Variants in BCAS3 observed in about 807,000 individuals in gnomAD.
BCAS3 encodes the protein BCAS3 microtubule associated cell migration factor.
BCAS3 carries 53 observed loss-of-function variants against 116.1 expected under a neutral mutation model. That is an observed-to-expected ratio of 0.46 (90% confidence interval 0.37 to 0.57). The LOEUF (loss-of-function observed/expected upper bound fraction) is 0.57, where lower values mean the gene tolerates loss of function less well. Ranked by LOEUF, BCAS3 falls within the 20% of genes least tolerant of loss-of-function variation. BCAS3 has a pLI of 0.00. For synonymous variants in BCAS3, 391 were observed against 408.2 expected (o/e 0.96, Z 0.51); for missense variants, 917 against 1,165.4 (o/e 0.79, Z 3.10).
At chr17:60,936,556 T>C (rs1486540309) in intron 13 of BCAS3, among the ~76,000 whole-genome samples, 6 of 152,218 alleles carry the variant, frequency 3.9e-5, no homozygotes, top group Non-Finnish European at 8.8e-5. Flanking sequence ...TCATTCTAAC[T>C]GGTGTGAGAT....
intron 22 of BCAS3, among the ~76,000 whole-genome samples, chr17:61,183,274 G>A (rs1026259782): frequency 1.3e-5 from 2 of 152,000 alleles, no homozygotes; most frequent in Non-Finnish European, 2.9e-5. Context: ...GGGAAAATTC[G>A]ATGTGAAGAG....
intron 5 of BCAS3, among the ~76,000 whole-genome samples, chr17:60,713,805 T>C (rs1175694336): frequency 6.6e-6 from 1 of 152,226 alleles, no homozygotes; most frequent in African/African-American, 2.4e-5. Context: ...CAGATGCTGA[T>C]GGACAATTGC....
At chr17:60,867,273 T>C (rs532736066) in intron 7 of BCAS3, among the ~76,000 whole-genome samples, 1 of 152,018 alleles carries the variant, frequency 6.6e-6, no homozygotes, top group African/African-American at 2.4e-5. Flanking sequence ...GCCCGGATAA[T>C]TTTTGTATTT....
At chr17:60,977,437 C>A (rs2062477153) in intron 14 of BCAS3, among the ~76,000 whole-genome samples, 1 of 152,000 alleles carries the variant, frequency 6.6e-6, no homozygotes, top group African/African-American at 2.4e-5. Flanking sequence ...TTCAGCCTCC[C>A]AAAGTACTGA....
intron 14 of BCAS3, among the ~76,000 whole-genome samples, chr17:60,974,992 CTT>C (rs1568007292): frequency 7.0e-6 from 1 of 142,026 alleles, no homozygotes; most frequent in African/African-American, 3.0e-5. Context: ...GTTTTTTTTG[CTT>C]TTTTGTTTTT....
rs2072949100 is a variant in BCAS3 at position 61,084,851 on chromosome 17, T to G, written c.2425+287T>G. Among the ~76,000 whole-genome samples, 1 of 152,240 alleles carries G rather than the reference T, an allele frequency of 6.6e-6. No homozygotes were observed. Among genetic ancestry groups the G allele is most frequent in the Admixed American group, 6.5e-5 (1 of 15,294 alleles). On this transcript the variant is annotated intron_variant, in intron 22 of 23. Coordinates refer to ENST00000407086, the MANE Select transcript of BCAS3 (RefSeq NM_017679.5). The surrounding 1 kb of genome is among the most constrained non-coding windows in gnomAD (Gnocchi z 5.5). ...TGATGACTGTTTTGCCTTTGATCAC[T>G]GAAATGTGGAGAAGCAACCTTGACA...
intron 19 of BCAS3, among the ~76,000 whole-genome samples, chr17:61,046,025 A>T (rs993811689): frequency 1.7e-4 from 2 of 11,798 alleles, no homozygotes; most frequent in East Asian, 0.011. Context: ...TATATATATT[A>T]TATATATATT....
intron 5 of BCAS3, among the ~76,000 whole-genome samples, chr17:60,729,805 G>T (rs142295803): frequency 5.3e-4 from 80 of 152,236 alleles, no homozygotes; most frequent in African/African-American, 1.8e-3. Flanking sequence ...ACACCTATCA[G>T]CTTGTAATAA....
intron 5 of BCAS3, among the ~76,000 whole-genome samples, chr17:60,715,126 CTCTTTCTTTTTT>C (rs1170460424): frequency 1.3e-5 from 2 of 149,368 alleles, no homozygotes; most frequent in African/African-American, 4.9e-5. Flanking sequence ...TGTACTCTTT[CTCTTTCTTTTTT>C]TTTTTTTTTT....
intron 22 of BCAS3, among the ~76,000 whole-genome samples, chr17:61,287,561 A>G (rs960013911): frequency 2.0e-5 from 3 of 151,932 alleles, no homozygotes; most frequent in Non-Finnish European, 2.9e-5. Flanking sequence ...CCTCGTCTCT[A>G]TGAAAAATCA....
rs1390111157 is a variant in BCAS3, at chr17:61,364,846, C to T, written c.2426-3481C>T. Among the ~76,000 whole-genome samples the T allele has an allele frequency of 1.3e-5, 2 of 152,192 alleles. No homozygotes were observed. The highest frequency in any genetic ancestry group is 2.1e-4 in the South Asian group (1 of 4,828). On this transcript the variant is annotated intron_variant, in intron 22 of 23. Transcript: ENST00000407086. This position sits in a 1 kb window ranked among gnomAD's most constrained non-coding sequence, Gnocchi z 5.4. ...TTGCTCAGAGACTTTGAACATGTCA[C>T]GTAACTTCTCAGAGCTTCCAGTTTC...
rs866899545 is a variant in BCAS3 at position 61,347,372 on chromosome 17, G to T, written c.2426-20955G>T. 6.6e-6 allele frequency among the ~76,000 whole-genome samples: 1 copy of T among 152,086 alleles called. No individual in the cohort carries two copies. The highest frequency in any genetic ancestry group is 2.4e-5 in the African/African-American group (1 of 41,390). ...GCTGGGATTATAGGCATGAGCCACC[G>T]CACCCGGCCAGAATCACTCTTCAGA... is the stretch of plus-strand genomic sequence containing the variant. On this transcript the variant is annotated intron_variant, in intron 22 of 23. Transcript: ENST00000407086. This position sits in a 1 kb window ranked among gnomAD's most constrained non-coding sequence, Gnocchi z 4.3.
rs185155184 is a variant in BCAS3, at chr17:61,163,355, C to T, written c.2425+78791C>T. Among the ~76,000 whole-genome samples, 875 of 149,538 alleles carry T rather than the reference C, an allele frequency of 5.9e-3. 12 individuals carry two copies. The highest frequency in any genetic ancestry group is 0.02 in the African/African-American group (796 of 40,594). On this transcript the variant is annotated intron_variant, in intron 22 of 23. Transcript: ENST00000407086. Reference sequence around the variant, plus strand: ...AGGAGAATGGTGTGAACCTGGGAGGCGGAGCTTGCAGTGAGCCGAGATCAC... The same window carrying T: ...AGGAGAATGGTGTGAACCTGGGAGGTGGAGCTTGCAGTGAGCCGAGATCAC...
intron 22 of BCAS3, among the ~76,000 whole-genome samples, chr17:61,320,332 T>G (rs1420746145): frequency 6.6e-6 from 1 of 152,102 alleles, no homozygotes; most frequent in Non-Finnish European, 1.5e-5. Flanking sequence ...CCAAAAGACC[T>G]GGGTTCCTCA....
chr17:61,209,194 A>G (rs1414652346), intron 22 of BCAS3, among the ~76,000 whole-genome samples: 1 of 152,122 alleles, frequency 6.6e-6, no homozygotes, highest in Admixed American at 6.5e-5. Flanking sequence ...AAAAAAAAAA[A>G]AAATCTTGTT....
At chr17:60,761,055 T>C (rs2043477993) in intron 6 of BCAS3, among the ~76,000 whole-genome samples, 1 of 152,136 alleles carries the variant, frequency 6.6e-6, no homozygotes, top group African/African-American at 2.4e-5. Context: ...CTAGAATTTC[T>C]GTTTTGTTCT....
At chr17:61,210,003 T>TA (rs1210537313) in intron 22 of BCAS3, among the ~76,000 whole-genome samples, 4 of 152,170 alleles carry the variant, frequency 2.6e-5, no homozygotes, top group African/African-American at 4.8e-5. Context: ...CACTGCTTCT[T>TA]AAAGAGGCTG....
intron 22 of BCAS3, among the ~76,000 whole-genome samples, chr17:61,102,794 C>A (rs1316642723): frequency 2.6e-5 from 4 of 152,070 alleles, no homozygotes; most frequent in African/African-American, 2.4e-5. Flanking sequence ...TAATAAAAAT[C>A]TTCTGGCCAT....
chr17:60,678,375 A>G (rs1253701625), intron 1 of BCAS3, among the ~76,000 whole-genome samples: 2 of 152,154 alleles, frequency 1.3e-5, no homozygotes, highest in Admixed American at 6.6e-5. Flanking sequence ...AATGCTCCCT[A>G]CTTAAAAATG....
Sources: allele counts gnomAD v4.1 joint callset (sites outside exome capture counted in the v4.1 genomes callset), GRCh38; gene constraint gnomAD v4.1.1; non-coding constraint Gnocchi (gnomAD v3.1); transcripts MANE v1.5; gene names NCBI Gene and HGNC (gene_info 2026-07-23, HGNC 2026-07-21).